The following DTNA variants were observed in gnomAD, a reference collection of about 807,000 sequenced individuals.
DTNA encodes dystrobrevin alpha.
DTNA carries 43 observed loss-of-function variants against 100.7 expected under a neutral mutation model. That is an observed-to-expected ratio of 0.43 (90% confidence interval 0.33 to 0.55). The LOEUF is 0.55. Among genes scored for constraint, DTNA ranks in the 20% least tolerant of loss-of-function variants. DTNA has a pLI of 0.04. For synonymous variants in DTNA, 349 were observed against 347.9 expected, an observed-to-expected ratio of 1.00 and a Z score of -0.04; for missense variants, 798 against 953.9, an observed-to-expected ratio of 0.84 and a Z score of 2.15.
At chr18:34,725,436 A>G (rs1461174802) in intron 1 of DTNA, among the ~76,000 whole-genome samples, 1 of 152,042 alleles carries the variant, frequency 6.6e-6, no homozygotes, top group African/African-American at 2.4e-5. Flanking sequence ...AAGTGGGCAA[A>G]GGATATGAAC....
chr18:34,612,098 C>T (rs1013201319), intron 1 of DTNA, among the ~76,000 whole-genome samples: 7 of 152,204 alleles, frequency 4.6e-5, no homozygotes, highest in Admixed American at 6.5e-5. Flanking sequence ...GTGAGCTCAC[C>T]GGCTGGCAAG....
intron 1 of DTNA, among the ~76,000 whole-genome samples, chr18:34,555,836 A>G (rs1368474010): frequency 6.6e-6 from 1 of 152,162 alleles, no homozygotes; most frequent in Non-Finnish European, 1.5e-5. Flanking sequence ...GCTGAAAAAA[A>G]TGTATATTCT....
chr18:34,672,052 T>A (rs552986473), intron 1 of DTNA, among the ~76,000 whole-genome samples: 2 of 152,256 alleles, frequency 1.3e-5, no homozygotes, highest in East Asian at 3.9e-4. Flanking sequence ...TTTTGGCCAA[T>A]TTGGTGGGTA....
chr18:34,857,452 A>G (rs758960309), intron 15 of DTNA, among the ~76,000 whole-genome samples: 24 of 152,096 alleles, frequency 1.6e-4, no homozygotes, highest in Non-Finnish European at 2.9e-4. Context: ...ATGACTTATA[A>G]CCCTGCTTAA....
intron 1 of DTNA, among the ~76,000 whole-genome samples, chr18:34,605,327 A>G (rs1262529080): frequency 1.3e-5 from 2 of 152,194 alleles, no homozygotes; most frequent in African/African-American, 2.4e-5. Flanking sequence ...GTATGGACCC[A>G]CATGTCCAAA....
intron 1 of DTNA, among the ~76,000 whole-genome samples, chr18:34,530,476 C>T (rs554572576): frequency 4.6e-5 from 7 of 152,162 alleles, no homozygotes; most frequent in African/African-American, 1.7e-4. Context: ...CTTTTAGTCT[C>T]TTCTCACAAA....
In DTNA at chr18:34,730,830, C is replaced by T. The variant is rs544157064; in HGVS notation, c.-2+20385C>T. On this transcript the variant is annotated intron_variant, in intron 1 of 22. Transcript: ENST00000444659. ...AACTCTGTCCCCTCACTGGTGACCACCAAAGAGCTCACTCATGTTGGTGTG... is the reference window on the plus strand; with the variant it reads ...AACTCTGTCCCCTCACTGGTGACCATCAAAGAGCTCACTCATGTTGGTGTG... Among the ~76,000 whole-genome samples, 3 of 152,302 alleles carry T rather than the reference C, an allele frequency of 2.0e-5. No individual in the cohort carries two copies. In the South Asian group the frequency reaches 6.2e-4, roughly 32 times the overall value.
At chr18:34,815,661 C>T in intron 6 of DTNA, 1 of 445,710 alleles carries the variant, frequency 2.2e-6, no homozygotes, top group Non-Finnish European at 4.1e-6. Context: ...AATTGTTTTT[C>T]TCCTGGTGAT....
At chr18:34,531,345 A>C (rs749652807) in intron 1 of DTNA, among the ~76,000 whole-genome samples, 1 of 152,028 alleles carries the variant, frequency 6.6e-6, no homozygotes, top group Non-Finnish European at 1.5e-5. Flanking sequence ...TTGTTTCCTT[A>C]TCTCTCTCAT....
At chr18:34,754,949 T>C (rs576904536) in intron 1 of DTNA, among the ~76,000 whole-genome samples, 1 of 152,028 alleles carries the variant, frequency 6.6e-6, no homozygotes, top group Non-Finnish European at 1.5e-5. Context: ...GACAATCCTG[T>C]CAAAAAAGAG....
chr18:34,522,247 T>A (rs2042216930), intron 1 of DTNA, among the ~76,000 whole-genome samples: 1 of 152,186 alleles, frequency 6.6e-6, no homozygotes, highest in South Asian at 2.1e-4. Flanking sequence ...TATTATAAAG[T>A]CCTGGGCTTT....
intron 1 of DTNA, among the ~76,000 whole-genome samples, chr18:34,568,665 C>A (rs2047301484): frequency 6.6e-6 from 1 of 151,922 alleles, no homozygotes; most frequent in Non-Finnish European, 1.5e-5. Context: ...TCTCTGTCAC[C>A]CAAGCCGGAG....
chr18:34,537,381 A>T (rs73946104), intron 1 of DTNA, among the ~76,000 whole-genome samples: 1 of 152,018 alleles, frequency 6.6e-6, no homozygotes, highest in Non-Finnish European at 1.5e-5. Flanking sequence ...TATGAATATC[A>T]CAAGAAAAGT....
intron 17 of DTNA, chr18:34,866,008 A>C: frequency 7.6e-7 from 1 of 1,319,798 alleles, no homozygotes; most frequent in Non-Finnish European, 1.1e-6. Flanking sequence ...CCTGCCGTCA[A>C]AGGTGTGTTG....
chr18:34,851,671 C>A (rs2096481152), intron 14 of DTNA, among the ~76,000 whole-genome samples, 160 bp from the exon 15 acceptor site: 1 of 152,150 alleles, frequency 6.6e-6, no homozygotes, highest in African/African-American at 2.4e-5. Context: ...AAAAGTTGGT[C>A]CATAGGAGAA....
chr18:34,518,627 T>C (rs1367978648), intron 1 of DTNA, among the ~76,000 whole-genome samples: 1 of 151,854 alleles, frequency 6.6e-6, no homozygotes, highest in Admixed American at 6.6e-5. Context: ...GCTTATTGTT[T>C]TGCCTATGAA....
intron 1 of DTNA, among the ~76,000 whole-genome samples, chr18:34,657,842 C>T (rs1280995602): frequency 6.6e-6 from 1 of 152,218 alleles, no homozygotes; most frequent in African/African-American, 2.4e-5. Flanking sequence ...TTCCAACTAG[C>T]TCAGGAGCCA....
chr18:34,523,333 A>G (rs1360003106), intron 1 of DTNA, among the ~76,000 whole-genome samples: 1 of 152,206 alleles, frequency 6.6e-6, no homozygotes, highest in Non-Finnish European at 1.5e-5. Context: ...GTGACTATAT[A>G]TGGAGATAGG....
intron 1 of DTNA, among the ~76,000 whole-genome samples, chr18:34,529,242 T>C (rs2042923393): frequency 6.6e-6 from 1 of 152,168 alleles, no homozygotes; most frequent in Non-Finnish European, 1.5e-5. Context: ...ATGCTCTGCC[T>C]TTTATCCTAG....
Sources: gnomAD v4.1 joint callset for allele counts (sites outside exome capture counted in the v4.1 genomes callset) on GRCh38, gnomAD v4.1.1 for gene constraint, MANE v1.5 for transcripts, NCBI Gene and HGNC (gene_info 2026-07-23, HGNC 2026-07-21) for gene names.